The following USP37 variants were observed in gnomAD, a reference collection of about 807,000 sequenced individuals.
The protein encoded by USP37 is ubiquitin specific peptidase 37.
Under a neutral mutation model 124.0 loss-of-function variants are expected in USP37, and 27 were observed. That is an observed-to-expected ratio of 0.22 (90% CI 0.16 to 0.30). The LOEUF (loss-of-function observed/expected upper bound fraction) is 0.30, where lower values mean the gene tolerates loss of function less well. Ranked by LOEUF, USP37 falls within the 10% of genes least tolerant of loss-of-function variation. The pLI is 1.00. For synonymous variants in USP37, 365 were observed against 388.0 expected (o/e 0.94, Z 0.70); for missense variants, 889 against 1,140.4 (o/e 0.78, Z 3.17).
At chr2:218,481,208 C>T (rs75521815) in intron 17 of USP37, among the ~76,000 whole-genome samples, 4,221 of 152,200 alleles carry the variant, frequency 0.028, 187 homozygotes, top group African/African-American at 0.095. Context: ...GAAGCAAAAA[C>T]CTAAAGTAAA....
intron 10 of USP37, among the ~76,000 whole-genome samples, chr2:218,516,994 C>T (rs902770789): frequency 3.9e-5 from 6 of 152,186 alleles, no homozygotes; most frequent in African/African-American, 1.4e-4. Context: ...GCCTGGATCT[C>T]AGTATCTACA....
At chr2:218,534,848 T>C (rs1033397179) in intron 8 of USP37, 142 bp from the exon 9 acceptor site, 8 of 436,324 alleles carry the variant, frequency 1.8e-5, no homozygotes, top group Admixed American at 4.2e-5. Context: ...AGATTGTTAG[T>C]CTCAAAAGGT....
In USP37 at chr2:218,553,537, G is replaced by T. The variant is rs747070790; in HGVS notation, c.328+16C>A. The T allele has an allele frequency of 6.2e-7, 1 of 1,600,110 alleles. No homozygotes were observed. Among genetic ancestry groups the T allele is most frequent in the South Asian group, 1.1e-5 (1 of 89,176 alleles). On this transcript the variant is annotated intron_variant, in intron 5 of 25. Coordinates refer to ENST00000258399, the MANE Select transcript of USP37 (RefSeq NM_020935.3). ...TAAAAATACTAACGTTAGACCCTGGGGTGATTAGTACTCACCTGCAGGAAG... is the reference window on the plus strand; with the variant it reads ...TAAAAATACTAACGTTAGACCCTGGTGTGATTAGTACTCACCTGCAGGAAG...
chr2:218,510,480 C>T (rs1201366742), intron 10 of USP37, among the ~76,000 whole-genome samples: 2 of 152,226 alleles, frequency 1.3e-5, no homozygotes, highest in African/African-American at 4.8e-5. Context: ...ATACTTTTTC[C>T]ACTGTTACAA....
intron 13 of USP37, among the ~76,000 whole-genome samples, 186 bp from the exon 14 acceptor site, chr2:218,496,136 A>C (rs1689067544): frequency 1.3e-5 from 2 of 152,158 alleles, no homozygotes; most frequent in Non-Finnish European, 2.9e-5. Context: ...TTTATTAAAA[A>C]TACAAAAATT....
rs187162637 is a variant in USP37, at chr2:218,490,433, T to G, written c.1473-2012A>C. On this transcript the variant is annotated intron_variant, in intron 14 of 25. Transcript: ENST00000258399. ...ATTTAGTTATCAAATATATTTTTTA[T>G]AGAATTTTAAAACGTGAGCTCAGAG... Among the ~76,000 whole-genome samples, 135 of 152,342 alleles carry G rather than the reference T, an allele frequency of 8.9e-4. 1 individual carries two copies. Among genetic ancestry groups the G allele is most frequent in the African/African-American group, 2.4e-3 (100 of 41,586 alleles).
intron 16 of USP37, 56 bp downstream of exon 16, chr2:218,485,608 T>G (rs1322668207): frequency 1.4e-6 from 2 of 1,458,484 alleles, no homozygotes; most frequent in African/African-American, 1.7e-5. Flanking sequence ...AGCAATTAAA[T>G]GTACCTGGGA....
At chr2:218,492,387 CAGAG>C (rs1206692001) in intron 14 of USP37, among the ~76,000 whole-genome samples, 1 of 152,040 alleles carries the variant, frequency 6.6e-6, no homozygotes, top group African/African-American at 2.4e-5. Flanking sequence ...AAGATGAAGA[CAGAG>C]AGTTAAGAGA....
chr2:218,463,487 T>C (rs576000969), intron 21 of USP37, 121 bp from the exon 22 acceptor site: 9 of 790,532 alleles, frequency 1.1e-5, no homozygotes, highest in African/African-American at 1.7e-5. Context: ...ACCTTATGGA[T>C]GTTTGGAATA....
At chr2:218,540,136 C>A (rs1363228899) in intron 8 of USP37, among the ~76,000 whole-genome samples, 1 of 152,132 alleles carries the variant, frequency 6.6e-6, no homozygotes, top group Non-Finnish European at 1.5e-5. Flanking sequence ...TTTGGATAAT[C>A]ATTAAGTAAT....
chr2:218,506,054 G>C (rs1330116005), intron 11 of USP37, among the ~76,000 whole-genome samples: 1 of 151,724 alleles, frequency 6.6e-6, no homozygotes, highest in South Asian at 2.1e-4. Context: ...TGTAGAGATG[G>C]GGTTTCGCTA....
chr2:218,515,449 G>C (rs1450503884), intron 10 of USP37, among the ~76,000 whole-genome samples: 1 of 152,094 alleles, frequency 6.6e-6, no homozygotes, highest in Non-Finnish European at 1.5e-5. Flanking sequence ...AATGGGGAAA[G>C]GATTCCCTAT....
chr2:218,473,338 G>T (rs993605813), intron 20 of USP37: 3 of 152,200 alleles, frequency 2.0e-5, no homozygotes, highest in African/African-American at 7.2e-5. Flanking sequence ...GATTATAAAT[G>T]TAGTAAGGGG....
intron 16 of USP37, among the ~76,000 whole-genome samples, chr2:218,483,244 C>G (rs1365103161): frequency 1.3e-5 from 2 of 152,076 alleles, no homozygotes; most frequent in Non-Finnish European, 2.9e-5. Flanking sequence ...TATGAGGCTA[C>G]TCTGGACACA....
At chr2:218,488,228 C>G (rs1159385420) in intron 15 of USP37, 76 bp downstream of exon 15, 2 of 840,864 alleles carry the variant, frequency 2.4e-6, no homozygotes, top group Non-Finnish European at 3.4e-6. Context: ...CTTGAAGAAA[C>G]CAACTTCAAA....
chr2:218,457,418 C>G (rs1016986807), intron 23 of USP37, among the ~76,000 whole-genome samples: 1 of 152,050 alleles, frequency 6.6e-6, no homozygotes, highest in East Asian at 1.9e-4. Context: ...AAGCTGGAAC[C>G]AACAATATAT....
At position 218,485,655 on chromosome 2, in the gene USP37, AAAAAT is replaced by A; in HGVS notation, c.1670+4_1670+8del. 2 of 1,569,812 alleles carry A rather than the reference AAAAAT, an allele frequency of 1.3e-6. No homozygotes were observed. Among genetic ancestry groups the A allele is most frequent in the Non-Finnish European group, 1.7e-6 (2 of 1,166,982 alleles). On this transcript the variant is annotated splice_donor_5th_base_variant and intron_variant, in intron 16 of 25. Transcript: ENST00000258399. ...CATAGCAAAAAAAAAAAAAAAAAAAAAAAATTACCTAGGAAGCCTGTTAAATTTGT... is the reference window on the plus strand; with the variant it reads ...CATAGCAAAAAAAAAAAAAAAAAAAATACCTAGGAAGCCTGTTAAATTTGT...
Position 218,497,838 on chromosome 2 carries a change from C to T in USP37, c.1177G>A (p.Val393Ile), listed in dbSNP as rs1359599081. 1.2e-6 allele frequency: 2 copies of T among 1,613,718 alleles called. No individual in the cohort carries two copies. Among genetic ancestry groups the T allele is most frequent in the East Asian group, 2.2e-5 (1 of 44,870 alleles). The change falls in exon 13 of 26, where the codon GTT becomes ATT. Residue 393 changes from valine (V) to isoleucine (I), a missense_variant. Coordinates refer to ENST00000258399, the MANE Select transcript of USP37 (RefSeq NM_020935.3). ...TCTGAATTACAGATATCTTTTTTAA[C>T]AAGCAAGTGTGCAAAGCGTCTAGTA... ...ALIRRFAHLL[V>I]KKDICNSETK...
At chr2:218,507,098 T>C (rs1221168613) in intron 11 of USP37, among the ~76,000 whole-genome samples, 1 of 151,912 alleles carries the variant, frequency 6.6e-6, no homozygotes, top group East Asian at 1.9e-4. Context: ...CCTGGATTTT[T>C]ATTCATGCTA....
Sources: allele counts gnomAD v4.1 joint callset (sites outside exome capture counted in the v4.1 genomes callset), GRCh38; gene constraint gnomAD v4.1.1; transcripts MANE v1.5; gene names NCBI Gene and HGNC (gene_info 2026-07-23, HGNC 2026-07-21).